PPP1R14C: variants seen among roughly 807,000 people sequenced by gnomAD.
The protein encoded by PPP1R14C is protein phosphatase 1 regulatory inhibitor subunit 14C.
PPP1R14C carries 16 observed loss-of-function variants against 20.4 expected under a neutral mutation model. That is an observed-to-expected ratio of 0.78 (90% CI 0.53 to 1.19). PPP1R14C has a LOEUF of 1.19. Among genes scored for constraint, PPP1R14C ranks in the 50% most tolerant of loss-of-function variants. The pLI is 0.00. For synonymous variants in PPP1R14C, 91 were observed against 91.0 expected (o/e 1.00, Z 0.00); for missense variants, 211 against 220.1 (o/e 0.96, Z 0.26).
Position 150,214,804 on chromosome 6 carries a change from G to T in PPP1R14C, c.367G>T (p.Glu123Ter). 6.2e-7 allele frequency: 1 copy of T among 1,611,712 alleles called. No homozygotes were observed. The highest frequency in any genetic ancestry group is 8.5e-7 in the Non-Finnish European group (1 of 1,179,056). The change falls in exon 2 of 4, where the codon GAA becomes TAA. Residue 123 changes from glutamate (E) to a stop codon, truncating the protein, a stop_gained. Transcript: ENST00000361131. LOFTEE classifies it high-confidence loss of function. ...IDDLLDADSD[E>*]ERASKLQEAL... The stretch of plus-strand genomic sequence containing the variant: ...TGATCTTCTTGATGCAGACAGTGAT[G>T]AAGAGAGAGCTTCAAAATTACAGGT...
chr6:150,183,399 C>A (rs572764435), intron 1 of PPP1R14C, among the ~76,000 whole-genome samples: 1 of 152,164 alleles, frequency 6.6e-6, no homozygotes, highest in South Asian at 2.1e-4. Flanking sequence ...TGTGTTAGGA[C>A]TTCAGGGAAA....
chr6:150,176,044 C>G (rs6910439), intron 1 of PPP1R14C, among the ~76,000 whole-genome samples: 41,908 of 152,134 alleles, frequency 0.28, 6,356 homozygotes, highest in East Asian at 0.57. Context: ...GAACAGTGAG[C>G]TGATGTGATC....
chr6:150,174,705 C>G (rs1369207287), intron 1 of PPP1R14C, among the ~76,000 whole-genome samples: 1 of 151,044 alleles, frequency 6.6e-6, no homozygotes, highest in African/African-American at 2.4e-5. Flanking sequence ...TGGCTCACGC[C>G]TGTAATCCCA....
At chr6:150,208,873 G>A (rs1777986079) in intron 1 of PPP1R14C, among the ~76,000 whole-genome samples, 1 of 152,170 alleles carries the variant, frequency 6.6e-6, no homozygotes, top group Non-Finnish European at 1.5e-5. Context: ...TTCTTAGACT[G>A]TGCTTGCTTA....
intron 1 of PPP1R14C, among the ~76,000 whole-genome samples, chr6:150,168,127 CT>C (rs1777452841): frequency 8.2e-6 from 1 of 122,590 alleles, no homozygotes; most frequent in African/African-American, 3.3e-5. Context: ...CCCACTCCTT[CT>C]CCCTAACACA....
In PPP1R14C at chr6:150,143,588, C is replaced by G. The variant is rs962136841; in HGVS notation, c.306+90C>G. 4.2e-6 allele frequency: 4 copies of G among 956,336 alleles called. No homozygotes were observed. In the African/African-American group the frequency reaches 7.0e-5, roughly 17 times the overall value. The allele number at this position is 956,336 out of a possible 1,614,324, so 59.2% of individuals were successfully genotyped here. A position where few individuals can be genotyped will look rare whatever the true frequency, so the allele number is the denominator to read the frequency against. On this transcript the variant is annotated intron_variant, in intron 1 of 3. Coordinates refer to ENST00000361131, the MANE Select transcript of PPP1R14C (RefSeq NM_030949.3). This position sits in a 1 kb window ranked among gnomAD's most constrained non-coding sequence, Gnocchi z 5.6. ...TTTCCCGGGCTCCAGCTCCGGGGCGCGCATGTCCCTGACTCCCGGGGACCA... is the reference window on the plus strand; with the variant it reads ...TTTCCCGGGCTCCAGCTCCGGGGCGGGCATGTCCCTGACTCCCGGGGACCA...
In PPP1R14C at chr6:150,188,482, CTTT is replaced by C. The variant is rs753993224; in HGVS notation, c.307-26242_307-26240del. Among the ~76,000 whole-genome samples, 27 of 104,966 alleles carry C rather than the reference CTTT, an allele frequency of 2.6e-4. No homozygotes were observed. In the East Asian group the frequency reaches 4.2e-3, roughly 16 times the overall value. The allele number at this position is 104,966 out of a possible 152,430, so 68.9% of individuals were successfully genotyped here. ...GTGGGAACAGAAGAACAGGAATTAC[CTTT>C]TTTTTTTTTTTTTTTTTTTGAGACG... On this transcript the variant is annotated intron_variant, in intron 1 of 3. Coordinates refer to ENST00000361131, the MANE Select transcript of PPP1R14C (RefSeq NM_030949.3).
chr6:150,193,214 C>A (rs1263294358), intron 1 of PPP1R14C, among the ~76,000 whole-genome samples: 2 of 151,892 alleles, frequency 1.3e-5, no homozygotes, highest in African/African-American at 4.8e-5. Context: ...AAAAGTCACT[C>A]AAGGCTTGTT....
At chr6:150,221,437 T>A (rs1278841582) in intron 3 of PPP1R14C, among the ~76,000 whole-genome samples, 1 of 152,238 alleles carries the variant, frequency 6.6e-6, no homozygotes, top group African/African-American at 2.4e-5. Flanking sequence ...CTGAACTAAA[T>A]GCCTATCAAT....
chr6:150,144,656 C>T (rs1384354511), intron 1 of PPP1R14C, among the ~76,000 whole-genome samples: 1 of 152,150 alleles, frequency 6.6e-6, no homozygotes, highest in Non-Finnish European at 1.5e-5. Context: ...CATTTCATGG[C>T]CTGTTGTGAA....
chr6:150,149,521 T>A (rs970544521), intron 1 of PPP1R14C, among the ~76,000 whole-genome samples: 2 of 144,810 alleles, frequency 1.4e-5, no homozygotes, highest in Non-Finnish European at 3.0e-5. Context: ...TGGTCTCGAA[T>A]TCCTGGGCTT....
chr6:150,165,251 G>A (rs1777410851), intron 1 of PPP1R14C, among the ~76,000 whole-genome samples: 1 of 152,224 alleles, frequency 6.6e-6, no homozygotes, highest in African/African-American at 2.4e-5. Context: ...CCCCTGTGCT[G>A]TAAATATTCA....
At position 150,206,958 on chromosome 6, in the gene PPP1R14C, G is replaced by A. The variant is rs973425774; in HGVS notation, c.307-7786G>A. 4.6e-5 allele frequency among the ~76,000 whole-genome samples: 7 copies of A among 151,280 alleles called. No individual in the cohort carries two copies. In the East Asian group the frequency reaches 5.8e-4, roughly 13 times the overall value. On this transcript the variant is annotated intron_variant, in intron 1 of 3. Coordinates refer to ENST00000361131, the MANE Select transcript of PPP1R14C (RefSeq NM_030949.3). Reference sequence around the variant, plus strand: ...CGGCTCATTGAAACCTCTGCCTCCCGAGTTCCTGCGATTCTCCTGCCTCAG... The same window carrying A: ...CGGCTCATTGAAACCTCTGCCTCCCAAGTTCCTGCGATTCTCCTGCCTCAG...
chr6:150,172,802 A>G (rs570474155), intron 1 of PPP1R14C, among the ~76,000 whole-genome samples: 80 of 151,426 alleles, frequency 5.3e-4, no homozygotes, highest in Middle Eastern at 3.4e-3. Context: ...ACAGGAGATG[A>G]CTCCTCCTCC....
In PPP1R14C at chr6:150,159,464, T is replaced by A. The variant is rs573961184; in HGVS notation, c.306+15966T>A. On this transcript the variant is annotated intron_variant, in intron 1 of 3. Coordinates refer to ENST00000361131, the MANE Select transcript of PPP1R14C (RefSeq NM_030949.3). ...CAAGTGCCCATTCCAGTTTTTATCT[T>A]GTGTGCTCTCGGCTTTCTAAGCCAC... Among the ~76,000 whole-genome samples the A allele has an allele frequency of 2.8e-4, 43 of 152,230 alleles. 1 individual carries two copies. In the South Asian group the frequency reaches 8.9e-3, roughly 32 times the overall value.
chr6:150,207,951 G>A (rs1777974530), intron 1 of PPP1R14C, among the ~76,000 whole-genome samples: 1 of 152,132 alleles, frequency 6.6e-6, no homozygotes, highest in Non-Finnish European at 1.5e-5. Context: ...TTCATCCCGT[G>A]TAATAGCATG....
intron 3 of PPP1R14C, among the ~76,000 whole-genome samples, chr6:150,239,835 T>C (rs1778410287): frequency 6.6e-6 from 1 of 152,148 alleles, no homozygotes; most frequent in South Asian, 2.1e-4. Flanking sequence ...GGTGGATCAC[T>C]TGGGGTCAGG....
intron 1 of PPP1R14C, among the ~76,000 whole-genome samples, chr6:150,211,757 C>A (rs1582920708): frequency 6.6e-6 from 1 of 152,174 alleles, no homozygotes; most frequent in East Asian, 1.9e-4. Flanking sequence ...GTTCTTCTCA[C>A]CTGGGTTTTG....
At chr6:150,153,492 A>C (rs1777273459) in intron 1 of PPP1R14C, among the ~76,000 whole-genome samples, 1 of 152,206 alleles carries the variant, frequency 6.6e-6, no homozygotes, top group Non-Finnish European at 1.5e-5. Context: ...TTTTGTTTGC[A>C]CAGGAATTGC....
Sources: allele counts gnomAD v4.1 joint callset (sites outside exome capture counted in the v4.1 genomes callset), GRCh38; gene constraint gnomAD v4.1.1; non-coding constraint Gnocchi (gnomAD v3.1); transcripts MANE v1.5; gene names NCBI Gene and HGNC (gene_info 2026-07-23, HGNC 2026-07-21).